The following CPLX2 variants were observed in gnomAD, a reference collection of about 807,000 sequenced individuals.
The protein encoded by CPLX2 is complexin 2.
In CPLX2, 5 loss-of-function variants were observed where a neutral mutation model predicts 16.3. That is an observed-to-expected ratio of 0.31 (90% CI 0.16 to 0.64). The LOEUF (loss-of-function observed/expected upper bound fraction) is 0.64, where lower values mean the gene tolerates loss of function less well. Ranked by LOEUF, CPLX2 falls within the 30% of genes least tolerant of loss-of-function variation. CPLX2 has a pLI of 0.79. For synonymous variants in CPLX2, 89 were observed against 73.2 expected (o/e 1.22, Z -1.10); for missense variants, 144 against 181.4 (o/e 0.79, Z 1.18).
chr5:175,844,250 G>A (rs897895241), intron 2 of CPLX2, among the ~76,000 whole-genome samples: 11 of 152,360 alleles, frequency 7.2e-5, no homozygotes, highest in African/African-American at 2.2e-4. Flanking sequence ...TGTTAGCAGC[G>A]GGATGGAGAC....
At chr5:175,855,404 C>T (rs530875969) in intron 2 of CPLX2, among the ~76,000 whole-genome samples, 1 of 152,350 alleles carries the variant, frequency 6.6e-6, no homozygotes, top group East Asian at 1.9e-4. Flanking sequence ...CTACTTAGCA[C>T]AATGCCAGTC....
At chr5:175,826,032 G>A (rs1758608425) in intron 2 of CPLX2, among the ~76,000 whole-genome samples, 1 of 150,936 alleles carries the variant, frequency 6.6e-6, no homozygotes, top group African/African-American at 2.4e-5. Flanking sequence ...TTGTGCCAGT[G>A]GTGTGGGCTG....
chr5:175,838,560 C>T (rs535684967), intron 2 of CPLX2, among the ~76,000 whole-genome samples: 2 of 152,124 alleles, frequency 1.3e-5, no homozygotes, highest in African/African-American at 2.4e-5. Context: ...GCCCGGCCCC[C>T]CTTCTGTCTT....
chr5:175,819,831 G>A (rs1445409575), intron 2 of CPLX2, among the ~76,000 whole-genome samples: 1 of 152,218 alleles, frequency 6.6e-6, no homozygotes, highest in African/African-American at 2.4e-5. Flanking sequence ...TCTCACAGAG[G>A]GTGCGGAGAG....
chr5:175,806,056 T>C (rs1410316636), intron 1 of CPLX2, among the ~76,000 whole-genome samples: 1 of 152,198 alleles, frequency 6.6e-6, no homozygotes, highest in African/African-American at 2.4e-5. Context: ...TCATGCTCCC[T>C]TTCTCATCCT....
At chr5:175,815,606 T>C (rs1044600922) in intron 2 of CPLX2, among the ~76,000 whole-genome samples, 17 of 151,990 alleles carry the variant, frequency 1.1e-4, no homozygotes, top group African/African-American at 4.1e-4. Flanking sequence ...GGAAAACAAT[T>C]AAATGTTGTG....
chr5:175,859,580 C>A (rs1225113225), intron 2 of CPLX2, among the ~76,000 whole-genome samples: 2 of 152,242 alleles, frequency 1.3e-5, no homozygotes, highest in Non-Finnish European at 2.9e-5. Context: ...ACAGATGGCA[C>A]CTGCCCAAGA....
chr5:175,827,653 C>T (rs942900755), intron 2 of CPLX2, among the ~76,000 whole-genome samples: 50 of 152,212 alleles, frequency 3.3e-4, no homozygotes, highest in African/African-American at 1.1e-3. Context: ...CCAGCTACTC[C>T]GGAGGCTGAG....
At chr5:175,810,710 C>T (rs1758297501) in intron 2 of CPLX2, among the ~76,000 whole-genome samples, 1 of 152,248 alleles carries the variant, frequency 6.6e-6, no homozygotes, top group Non-Finnish European at 1.5e-5. Flanking sequence ...CTCCCACTCA[C>T]CACCCACCTC....
chr5:175,858,254 C>T (rs1021120256), intron 2 of CPLX2, among the ~76,000 whole-genome samples: 1 of 152,232 alleles, frequency 6.6e-6, no homozygotes, highest in African/African-American at 2.4e-5. Context: ...GACTGGGAAT[C>T]GTGAGCTGGT....
upstream of CPLX2, among the ~76,000 whole-genome samples, chr5:175,871,028 G>C (rs1236994435): frequency 6.6e-6 from 1 of 152,182 alleles, no homozygotes; most frequent in African/African-American, 2.4e-5. Flanking sequence ...CCAACAGGTG[G>C]AACGGGGGTC....
chr5:175,879,751 C>G lies in CPLX2; in HGVS notation c.208-97C>G, dbSNP rs1396910371. On this transcript the variant is annotated intron_variant, in intron 3 of 3. Coordinates refer to ENST00000393745, the MANE Select transcript of CPLX2 (RefSeq NM_001008220.2). The stretch of plus-strand genomic sequence containing the variant: ...TGACAGGACTGAGGCTTGGGAGGCA[C>G]TCCTGGCCACCTCAGCCAGTGCTGC... The G allele has an allele frequency of 5.8e-6, 7 of 1,201,900 alleles. No homozygotes were observed. The South Asian group carries it at 7.8e-5, about 13-fold the overall frequency. The allele number at this position is 1,201,900 out of a possible 1,614,324, so 74.5% of individuals were successfully genotyped here.
intron 2 of CPLX2, among the ~76,000 whole-genome samples, chr5:175,836,792 C>T (rs776155115): frequency 6.6e-6 from 1 of 152,212 alleles, no homozygotes; most frequent in Non-Finnish European, 1.5e-5. Flanking sequence ...CCTCCCTTTA[C>T]AGTCTATGAA....
At chr5:175,810,154 A>G (rs551214337) in intron 2 of CPLX2, among the ~76,000 whole-genome samples, 2 of 152,324 alleles carry the variant, frequency 1.3e-5, no homozygotes, top group Non-Finnish European at 2.9e-5. Context: ...CAGGAAATGA[A>G]GATTTCCTCA....
intron 2 of CPLX2, among the ~76,000 whole-genome samples, chr5:175,827,155 C>T (rs901721803): frequency 2.0e-5 from 3 of 152,298 alleles, no homozygotes; most frequent in East Asian, 3.9e-4. Context: ...GGGTCACATG[C>T]CCTTCCCTGC....
intron 2 of CPLX2, among the ~76,000 whole-genome samples, chr5:175,854,917 G>A (rs1349052252): frequency 6.6e-6 from 1 of 152,240 alleles, no homozygotes; most frequent in African/African-American, 2.4e-5. Context: ...CATCGGGGCT[G>A]CAACAATGGC....
chr5:175,859,391 T>A (rs745382849), intron 2 of CPLX2, among the ~76,000 whole-genome samples: 1 of 152,036 alleles, frequency 6.6e-6, no homozygotes, highest in Non-Finnish European at 1.5e-5. Flanking sequence ...AGCTCTGAGA[T>A]GAAAAAGAGA....
intron 2 of CPLX2, among the ~76,000 whole-genome samples, chr5:175,833,757 G>T (rs1560035): frequency 0.28 from 42,767 of 152,046 alleles, 6,365 homozygotes; most frequent in Middle Eastern, 0.39. Flanking sequence ...GTCCCCAGAC[G>T]GAGGGGACTC....
At chr5:175,804,607 G>A (rs1037208705) in intron 1 of CPLX2, among the ~76,000 whole-genome samples, 11 of 152,290 alleles carry the variant, frequency 7.2e-5, no homozygotes, top group East Asian at 1.9e-4. Flanking sequence ...TGTGGTCCAC[G>A]GACCGGCAAC....
Sources: allele counts gnomAD v4.1 joint callset (sites outside exome capture counted in the v4.1 genomes callset), GRCh38; gene constraint gnomAD v4.1.1; transcripts MANE v1.5; gene names NCBI Gene and HGNC (gene_info 2026-07-23, HGNC 2026-07-21).